The following PRKACB variants were observed in gnomAD, a reference collection of about 807,000 sequenced individuals.
The protein encoded by PRKACB is cAMP-dependent protein kinase catalytic subunit beta.
PRKACB carries 16 observed loss-of-function variants against 51.4 expected under a neutral mutation model. The ratio of observed to expected loss-of-function variants is 0.31; its 90% CI spans 0.21 to 0.47. The LOEUF (loss-of-function observed/expected upper bound fraction) is 0.47. Among genes scored for constraint, PRKACB ranks in the 20% least tolerant of loss-of-function variants. The pLI, the probability that PRKACB is intolerant of heterozygous loss-of-function variation, is 1.00. For synonymous variants in PRKACB, 147 were observed against 154.4 expected (o/e 0.95, Z 0.35); for missense variants, 309 against 464.5 (o/e 0.67, Z 3.08).
intron 1 of PRKACB, among the ~76,000 whole-genome samples, chr1:84,162,968 A>T (rs936279851): frequency 1.4e-4 from 22 of 151,822 alleles, no homozygotes; most frequent in Non-Finnish European, 7.4e-5. Flanking sequence ...CCTTTGTCTT[A>T]ATCTATGGAA....
At chr1:84,126,308 A>T (rs1322466184) in intron 1 of PRKACB, among the ~76,000 whole-genome samples, 1 of 152,058 alleles carries the variant, frequency 6.6e-6, no homozygotes, top group East Asian at 1.9e-4. Context: ...AATGTGGAGG[A>T]TTTTACTGAG....
At chr1:84,118,214 G>A (rs1650787043) in intron 1 of PRKACB, among the ~76,000 whole-genome samples, 1 of 152,190 alleles carries the variant, frequency 6.6e-6, no homozygotes, top group African/African-American at 2.4e-5. Context: ...TTGACCAAGC[G>A]GGCCACTTGC....
chr1:84,102,354 T>G (rs973883471), intron 1 of PRKACB, among the ~76,000 whole-genome samples: 7 of 151,922 alleles, frequency 4.6e-5, no homozygotes, highest in African/African-American at 1.7e-4. Flanking sequence ...GCCACTGCAC[T>G]CCAGCCTAGG....
At chr1:84,109,779 G>A (rs1161356724) in intron 1 of PRKACB, among the ~76,000 whole-genome samples, 1 of 151,262 alleles carries the variant, frequency 6.6e-6, no homozygotes, top group Non-Finnish European at 1.5e-5. Context: ...TTTTTATATT[G>A]GTAATTTGTA....
intron 1 of PRKACB, chr1:84,085,866 G>A: frequency 1.7e-6 from 1 of 574,816 alleles, no homozygotes; most frequent in Non-Finnish European, 3.2e-6. Context: ...CTGGTGGCCT[G>A]GCTGTAACAC....
chr1:84,157,292 A>G (rs2100676214), intron 1 of PRKACB: 1 of 152,264 alleles, frequency 6.6e-6, no homozygotes, highest in East Asian at 1.9e-4. Flanking sequence ...CCAGCCTTAC[A>G]TTTGCATAAT....
chr1:84,152,167 T>C (rs541776585), intron 1 of PRKACB, among the ~76,000 whole-genome samples: 1 of 152,334 alleles, frequency 6.6e-6, no homozygotes, highest in South Asian at 2.1e-4. Flanking sequence ...TTAGCACTAA[T>C]ATTTTAAAAG....
chr1:84,196,981 A>G (rs2174186), intron 6 of PRKACB, among the ~76,000 whole-genome samples: 65,880 of 152,052 alleles, frequency 0.43, 15,926 homozygotes, highest in Non-Finnish European at 0.56. Flanking sequence ...ATAAGGAGAT[A>G]TTAATAGCTA....
intron 1 of PRKACB, among the ~76,000 whole-genome samples, chr1:84,164,138 TA>T (rs1303576199): frequency 1.3e-5 from 2 of 152,058 alleles, no homozygotes; most frequent in Non-Finnish European, 2.9e-5. Context: ...GATTCTCCTT[TA>T]AAAATGCAGA....
In PRKACB at chr1:84,168,655, G is replaced by A. The variant is rs569890106; in HGVS notation, c.188-10522G>A. Reference sequence around the variant, plus strand: ...TTTGCCCAAATATGTACAGGATTTTGATGATCAGACTCCAAAGTCTAATTA... The same window carrying A: ...TTTGCCCAAATATGTACAGGATTTTAATGATCAGACTCCAAAGTCTAATTA... On this transcript the variant is annotated intron_variant, in intron 1 of 9. Coordinates refer to ENST00000370685, the MANE Select transcript of PRKACB (RefSeq NM_182948.4). 4.5e-4 allele frequency among the ~76,000 whole-genome samples: 68 copies of A among 151,708 alleles called. 2 individuals are homozygous for A. In the South Asian group the frequency reaches 0.013, roughly 29 times the overall value.
At chr1:84,228,656 A>G (rs1675052676) in intron 9 of PRKACB, among the ~76,000 whole-genome samples, 1 of 152,234 alleles carries the variant, frequency 6.6e-6, no homozygotes, top group Non-Finnish European at 1.5e-5. Context: ...AAGGTTTAAC[A>G]ATTCTCTAAT....
rs1256526704 is a variant in PRKACB at position 84,237,516 on chromosome 1, G to A, written c.*2211G>A. ...CCCTAGACATACGTTGGTTTTGAGG[G>A]CTATTCAGCCATTCCATTTTACTCT... On this transcript the variant is annotated 3_prime_UTR_variant, in exon 10 of 10. Transcript: ENST00000370685. 2.0e-5 allele frequency: 3 copies of A among 152,306 alleles called. No individual in the cohort carries two copies. Among genetic ancestry groups the A allele is most frequent in the East Asian group, 1.9e-4 (1 of 5,194 alleles). The allele number at this position is 152,306 out of a possible 1,614,324, so 9.4% of individuals were successfully genotyped here.
At chr1:84,107,120 T>C (rs1273740235) in intron 1 of PRKACB, among the ~76,000 whole-genome samples, 2 of 152,120 alleles carry the variant, frequency 1.3e-5, no homozygotes, top group Non-Finnish European at 2.9e-5. Context: ...CCTACAGATA[T>C]GCCCCCGAAC....
intron 1 of PRKACB, among the ~76,000 whole-genome samples, chr1:84,176,015 G>A (rs1167736375): frequency 6.6e-6 from 1 of 151,574 alleles, no homozygotes; most frequent in South Asian, 2.1e-4. Context: ...TTTTTCTTAA[G>A]AAGAGTTACT....
intron 1 of PRKACB, among the ~76,000 whole-genome samples, chr1:84,166,780 T>G (rs1395797017): frequency 1.3e-5 from 2 of 151,712 alleles, no homozygotes; most frequent in African/African-American, 4.8e-5. Context: ...ATAAGACTAT[T>G]CCTTTTATCC....
intron 1 of PRKACB, among the ~76,000 whole-genome samples, chr1:84,169,784 A>G: frequency 6.6e-6 from 1 of 151,764 alleles, no homozygotes; most frequent in African/African-American, 2.4e-5. Context: ...TTTTGACAAG[A>G]TTAACAAAGA....
chr1:84,134,777 AAGAC>A lies in PRKACB; in HGVS notation c.47-44397_47-44394del, dbSNP rs561489622. Among the ~76,000 whole-genome samples the A allele has an allele frequency of 9.7e-4, 147 of 152,324 alleles. 1 individual carries two copies. The highest frequency in any genetic ancestry group is 8.4e-3 in the Admixed American group (129 of 15,296). On this transcript the variant is annotated intron_variant, in intron 1 of 8. Coordinates refer to the PRKACB transcript ENST00000370688. ...TGTGAATGGTGTAAACATCCATTAA[AAGAC>A]AGTTCAGAGTGGATAAAAAACGAAA...
At chr1:84,208,850 A>C (rs996511620) in intron 8 of PRKACB, among the ~76,000 whole-genome samples, 3 of 152,232 alleles carry the variant, frequency 2.0e-5, no homozygotes, top group African/African-American at 7.2e-5. Context: ...ACTGAGACTC[A>C]GAAAAGTTTT....
intron 1 of PRKACB, among the ~76,000 whole-genome samples, chr1:84,160,596 T>C (rs1656060550): frequency 6.7e-6 from 1 of 148,354 alleles, no homozygotes; most frequent in African/African-American, 2.4e-5. Context: ...TATACAAAGC[T>C]TAAGTTACTG....
Sources: allele counts gnomAD v4.1 joint callset (sites outside exome capture counted in the v4.1 genomes callset), GRCh38; gene constraint gnomAD v4.1.1; transcripts MANE v1.5; gene names NCBI Gene and HGNC (gene_info 2026-07-23, HGNC 2026-07-21).